BLM: variants seen among roughly 807,000 people sequenced by gnomAD.
BLM encodes the protein BLM RecQ like helicase, also known as recQ-like DNA helicase BLM.
BLM carries 95 observed loss-of-function variants against 135.3 expected under a neutral mutation model. The observed-to-expected ratio is 0.70, with a 90% CI of 0.59 to 0.83. The LOEUF (loss-of-function observed/expected upper bound fraction) is 0.83, where lower values mean the gene tolerates loss of function less well. BLM is among the 40% of genes least tolerant of loss of function. BLM has a pLI of 0.00. For synonymous variants in BLM, 520 were observed against 589.2 expected, an observed-to-expected ratio of 0.88 and a Z score of 1.70; for missense variants, 1,518 against 1,663.9, an observed-to-expected ratio of 0.91 and a Z score of 1.53.
rs147839993 is a variant in BLM, at chr15:90,809,357, C to T, written c.3874+98C>T. On this transcript the variant is annotated intron_variant, in intron 20 of 21. Transcript: ENST00000355112. Reference sequence around the variant, plus strand: ...GATGCAGTTGTGTGAATGCTTCCTACACCTCGTCACACTGACATCCAAGTC... The same window carrying T: ...GATGCAGTTGTGTGAATGCTTCCTATACCTCGTCACACTGACATCCAAGTC... 8.0e-4 allele frequency: 1,257 copies of T among 1,572,284 alleles called. 19 individuals are homozygous for T. The South Asian group carries it at 0.01, about 13-fold the overall frequency.
intron 20 of BLM, 119 bp from the exon 21 acceptor site, chr15:90,811,086 G>A (rs1195516384): frequency 1.3e-5 from 13 of 1,015,812 alleles, no homozygotes; most frequent in Non-Finnish European, 2.0e-5. Context: ...AATCCATATG[G>A]CAGGGAAGCA....
intron 12 of BLM, among the ~76,000 whole-genome samples, chr15:90,771,804 T>A (rs540428310): frequency 2.0e-5 from 3 of 152,298 alleles, no homozygotes; most frequent in African/African-American, 7.2e-5. Flanking sequence ...ATAAAAAAAA[T>A]TTCTTTTCCT....
intron 16 of BLM, among the ~76,000 whole-genome samples, chr15:90,797,527 A>G (rs765102118): frequency 7.9e-5 from 12 of 151,974 alleles, no homozygotes; most frequent in Admixed American, 5.2e-4. Context: ...TTGTTAGTGT[A>G]AGACCAGAAA....
chr15:90,734,540 G>A (rs749385156), intron 1 of BLM, among the ~76,000 whole-genome samples: 51 of 151,848 alleles, frequency 3.4e-4, no homozygotes, highest in Non-Finnish European at 5.7e-4. Context: ...TGCCCACCTC[G>A]GCCTCCCAAA....
At chr15:90,798,642 C>A (rs1053975359) in intron 17 of BLM, among the ~76,000 whole-genome samples, 1 of 149,112 alleles carries the variant, frequency 6.7e-6, no homozygotes, top group East Asian at 2.0e-4. Context: ...AGACCCATAA[C>A]AGCATAGAGA....
At chr15:90,782,795 T>G (rs1896649448) in intron 12 of BLM, 27 bp from the exon 13 acceptor site, 1 of 1,536,634 alleles carries the variant, frequency 6.5e-7, no homozygotes, top group African/African-American at 1.4e-5. Flanking sequence ...TCATAATAAC[T>G]AAATTTTATG....
chr15:90,793,832 G>A (rs780952945), intron 15 of BLM: 33 of 171,814 alleles, frequency 1.9e-4, no homozygotes, highest in Non-Finnish European at 3.6e-4. Context: ...GAAGTGCATG[G>A]CCACTGCCGT....
chr15:90,723,162 A>G (rs1411452570), intron 1 of BLM, among the ~76,000 whole-genome samples: 1 of 151,848 alleles, frequency 6.6e-6, no homozygotes, highest in Non-Finnish European at 1.5e-5. Flanking sequence ...AATTTTTGTG[A>G]TAATGCTTTT....
rs765550401 is a variant in BLM, at chr15:90,811,395, C to T, written c.4065C>T (p.Ser1355=). The change falls in exon 21 of 22, where the codon TCC becomes TCT. Residue 1355 remains serine, a synonymous_variant. Coordinates refer to ENST00000355112, the MANE Select transcript of BLM (RefSeq NM_000057.4). The stretch of plus-strand genomic sequence containing the variant: ...GGAGAAAAACTGCTTCCAGTGGTTC[C>T]AAGGCAAAGGGGTATGTTTTGTGAC... ...SKRRKTASSG[S]KAKGGSATCR... 1 of 1,614,036 alleles carries T rather than the reference C, an allele frequency of 6.2e-7. No homozygotes were observed. Among genetic ancestry groups the T allele is most frequent in the Non-Finnish European group, 8.5e-7 (1 of 1,179,990 alleles).
At chr15:90,803,292 G>GT (rs1258793109) in intron 17 of BLM, among the ~76,000 whole-genome samples, 1 of 152,046 alleles carries the variant, frequency 6.6e-6, no homozygotes, top group Non-Finnish European at 1.5e-5. Flanking sequence ...TTTTGCTGCT[G>GT]TTTTTTGTCC....
intron 12 of BLM, among the ~76,000 whole-genome samples, chr15:90,777,362 A>G (rs1896506870): frequency 6.6e-6 from 1 of 152,192 alleles, no homozygotes; most frequent in Admixed American, 6.5e-5. Flanking sequence ...CATATTGCGC[A>G]GGCTGGTCTT....
intron 21 of BLM, 114 bp from the exon 22 acceptor site, chr15:90,814,988 C>A: frequency 9.1e-7 from 1 of 1,095,696 alleles, no homozygotes; most frequent in Non-Finnish European, 1.4e-6. Context: ...AGAAAATGCA[C>A]AAGGACACAT....
At chr15:90,776,852 A>G (rs993716698) in intron 12 of BLM, among the ~76,000 whole-genome samples, 3 of 151,744 alleles carry the variant, frequency 2.0e-5, no homozygotes, top group African/African-American at 4.8e-5. Context: ...ATTGTGTGAC[A>G]TACTTTTAAA....
At chr15:90,732,348 C>T (rs1300394095) in intron 1 of BLM, among the ~76,000 whole-genome samples, 1 of 151,940 alleles carries the variant, frequency 6.6e-6, no homozygotes, top group Admixed American at 6.6e-5. Context: ...AAACAATTTA[C>T]ATTCATAAAA....
In BLM at chr15:90,722,475, T is replaced by A. The variant is rs560222022; in HGVS notation, c.-5+5035T>A. Among the ~76,000 whole-genome samples the A allele has an allele frequency of 3.3e-5, 5 of 152,050 alleles. 1 individual carries two copies. The East Asian group carries it at 7.8e-4, about 24-fold the overall frequency. On this transcript the variant is annotated intron_variant, in intron 1 of 21. Transcript: ENST00000355112. ...GGTGGCCCATGTCTGTAATCCCAGC[T>A]ACTTGTGAAGCTGAGGCAGGAGAAT...
intron 1 of BLM, among the ~76,000 whole-genome samples, chr15:90,739,258 G>A (rs1171546238): frequency 6.6e-6 from 1 of 152,082 alleles, no homozygotes; most frequent in African/African-American, 2.4e-5. Flanking sequence ...AAAATTAGCT[G>A]GGCTTGATGG....
chr15:90,771,312 C>A (rs1896308447), intron 12 of BLM, among the ~76,000 whole-genome samples: 1 of 152,070 alleles, frequency 6.6e-6, no homozygotes, highest in Non-Finnish European at 1.5e-5. Flanking sequence ...CGTGGCGATA[C>A]CCCATCTCTA....
chr15:90,748,004 C>T (rs992751599), intron 2 of BLM, among the ~76,000 whole-genome samples: 1 of 151,028 alleles, frequency 6.6e-6, no homozygotes, highest in South Asian at 2.1e-4. Context: ...GAGACGGTTT[C>T]ACCTTGTTAG....
chr15:90,736,485 C>G (rs530248955), intron 1 of BLM, among the ~76,000 whole-genome samples: 29 of 152,294 alleles, frequency 1.9e-4, no homozygotes, highest in African/African-American at 6.7e-4. Context: ...TGGTCTTGAA[C>G]TCCTGGACTC....
Sources: gnomAD v4.1 joint callset for allele counts (sites outside exome capture counted in the v4.1 genomes callset) on GRCh38, gnomAD v4.1.1 for gene constraint, MANE v1.5 for transcripts, NCBI Gene and HGNC (gene_info 2026-07-23, HGNC 2026-07-21) for gene names.